Variants in TSGA10 observed in about 807,000 individuals in gnomAD.
TSGA10 encodes testis-specific gene 10 protein.
Under a neutral mutation model 96.6 loss-of-function variants are expected in TSGA10, and 43 were observed. The ratio of observed to expected loss-of-function variants is 0.44; its 90% confidence interval spans 0.35 to 0.57. TSGA10 has a LOEUF of 0.57. Among genes scored for constraint, TSGA10 ranks in the 20% least tolerant of loss-of-function variants. The pLI, the probability that TSGA10 is intolerant of heterozygous loss-of-function variation, is 0.01. For missense variants in TSGA10, 703 were observed against 834.4 expected, an observed-to-expected ratio of 0.84 and a Z score of 1.94; for synonymous variants, 229 against 269.9, an observed-to-expected ratio of 0.85 and a Z score of 1.48.
Position 99,150,522 on chromosome 2 carries a change from AC to A in TSGA10, c.-621+4170del. ...AAACACTTCCACTACTTAAAAAGGT[AC>A]CTGCAAATTACTTTCACATTTGTTC... On this transcript the variant is annotated intron_variant, in intron 1 of 20. Coordinates refer to ENST00000393483, the MANE Select transcript of TSGA10 (RefSeq NM_025244.4). 3 of 1,595,568 alleles carry A rather than the reference AC, an allele frequency of 1.9e-6. No homozygotes were observed. In the South Asian group the frequency reaches 3.5e-5, roughly 18 times the overall value.
At chr2:99,022,649 A>T (rs2080151331) in intron 17 of TSGA10, among the ~76,000 whole-genome samples, 1 of 152,214 alleles carries the variant, frequency 6.6e-6, no homozygotes, top group Non-Finnish European at 1.5e-5. Context: ...TATTGCCATA[A>T]AAATTTGTAT....
At chr2:99,132,665 G>A (rs1045754122) in intron 1 of TSGA10, among the ~76,000 whole-genome samples, 5 of 152,014 alleles carry the variant, frequency 3.3e-5, no homozygotes, top group African/African-American at 7.3e-5. Context: ...GAATTTGTTT[G>A]CTCTTGCTTC....
chr2:99,091,267 C>T (rs75513709), intron 10 of TSGA10, among the ~76,000 whole-genome samples: 1,863 of 152,186 alleles, frequency 0.012, 40 homozygotes, highest in African/African-American at 0.043. Flanking sequence ...AACTGCAAAA[C>T]GAGCTCTAAA....
chr2:99,137,980 A>G (rs192560129), intron 1 of TSGA10, among the ~76,000 whole-genome samples: 38 of 152,166 alleles, frequency 2.5e-4, no homozygotes, highest in African/African-American at 8.9e-4. Flanking sequence ...ATGAGGACAG[A>G]GTCTGAAGGT....
At chr2:99,085,542 A>G (rs2088178796) in intron 10 of TSGA10, among the ~76,000 whole-genome samples, 1 of 146,462 alleles carries the variant, frequency 6.8e-6, no homozygotes, top group Non-Finnish European at 1.5e-5. Flanking sequence ...CTGAGAGGTC[A>G]AGGCTGCAGT....
At chr2:99,143,662 C>A (rs993705665) in intron 1 of TSGA10, among the ~76,000 whole-genome samples, 1 of 151,670 alleles carries the variant, frequency 6.6e-6, no homozygotes, top group East Asian at 1.9e-4. Context: ...TGTAGAGATG[C>A]GGTTTCACCA....
chr2:99,059,913 C>CAAAAAA (rs35460548), intron 16 of TSGA10, among the ~76,000 whole-genome samples: 1 of 54,454 alleles, frequency 1.8e-5, no homozygotes, highest in African/African-American at 6.4e-5. Flanking sequence ...GACCCCATCT[C>CAAAAAA]AAAAAAAAAA....
At chr2:99,023,971 G>A (rs1470959946) in intron 17 of TSGA10, among the ~76,000 whole-genome samples, 1 of 152,170 alleles carries the variant, frequency 6.6e-6, no homozygotes, top group East Asian at 1.9e-4. Context: ...GATCAGTTTT[G>A]GGAGTAATGC....
chr2:99,083,055 A>T (rs1204777064), intron 10 of TSGA10, among the ~76,000 whole-genome samples: 1 of 152,152 alleles, frequency 6.6e-6, no homozygotes, highest in Non-Finnish European at 1.5e-5. Flanking sequence ...ATGAAAAAAT[A>T]CAAAATAGAG....
chr2:99,103,828 C>T, intron 10 of TSGA10, 139 bp downstream of exon 10: 1 of 987,702 alleles, frequency 1.0e-6, no homozygotes, highest in South Asian at 2.0e-5. Context: ...TCACTGTGTG[C>T]CAAGGGTTCC....
chr2:99,074,551 G>A (rs894001685), intron 12 of TSGA10, among the ~76,000 whole-genome samples: 1 of 151,554 alleles, frequency 6.6e-6, no homozygotes, highest in South Asian at 2.1e-4. Flanking sequence ...AGCCAACGAA[G>A]GAAAAACTAA....
At chr2:98,998,259 T>C in intron 20 of TSGA10, 38 bp from the exon 21 acceptor site, 1 of 1,524,708 alleles carries the variant, frequency 6.6e-7, no homozygotes, top group Non-Finnish European at 8.9e-7. Context: ...ATATTTTTAA[T>C]TCAACTTTTT....
At chr2:99,082,634 C>G (rs989444250) in intron 10 of TSGA10, among the ~76,000 whole-genome samples, 3 of 152,124 alleles carry the variant, frequency 2.0e-5, no homozygotes, top group Admixed American at 2.0e-4. Context: ...GGCATGCTCT[C>G]AACCCAAGCA....
At chr2:99,074,683 G>A (rs369009485) in intron 12 of TSGA10, among the ~76,000 whole-genome samples, 3 of 152,144 alleles carry the variant, frequency 2.0e-5, no homozygotes, top group African/African-American at 7.2e-5. Context: ...ACTTGAGGCC[G>A]AATGCGGTGG....
intron 16 of TSGA10, among the ~76,000 whole-genome samples, chr2:99,056,197 T>G (rs1331860609): frequency 2.4e-5 from 3 of 127,420 alleles, no homozygotes; most frequent in African/African-American, 1.2e-4. Flanking sequence ...AGAGCAAGAC[T>G]TCGTCTCAAA....
At chr2:99,034,364 T>C (rs2081418459) in intron 17 of TSGA10, among the ~76,000 whole-genome samples, 1 of 152,036 alleles carries the variant, frequency 6.6e-6, no homozygotes. Flanking sequence ...ATCATGCCAC[T>C]GCACTCCAGC....
chr2:99,081,254 A>C (rs773435147), intron 11 of TSGA10, 28 bp downstream of exon 11: 1 of 1,285,158 alleles, frequency 7.8e-7, no homozygotes, highest in Non-Finnish European at 1.1e-6. Context: ...AGAAAAACTA[A>C]AAGTAATATT....
At chr2:99,075,096 G>A (rs2104545063) in intron 12 of TSGA10, among the ~76,000 whole-genome samples, 1 of 152,020 alleles carries the variant, frequency 6.6e-6, no homozygotes, top group East Asian at 1.9e-4. Context: ...CAAAATTTCT[G>A]GGTTGAATCC....
intron 7 of TSGA10, among the ~76,000 whole-genome samples, chr2:99,107,582 C>T (rs573825899): frequency 1.3e-5 from 2 of 152,246 alleles, no homozygotes; most frequent in South Asian, 4.1e-4. Context: ...CCACATCTAG[C>T]CTGCCTCCTG....
Sources: gnomAD v4.1 joint callset for allele counts (sites outside exome capture counted in the v4.1 genomes callset) on GRCh38, gnomAD v4.1.1 for gene constraint, MANE v1.5 for transcripts, NCBI Gene and HGNC (gene_info 2026-07-23, HGNC 2026-07-21) for gene names.